Variants in SMARCC1 observed in about 807,000 individuals in gnomAD.
SMARCC1 encodes the protein SWI/SNF complex subunit SMARCC1.
A neutral mutation model predicts 147.4 loss-of-function variants in SMARCC1; 43 were observed. That is an observed-to-expected ratio of 0.29 (90% CI 0.23 to 0.38). The LOEUF (loss-of-function observed/expected upper bound fraction) is 0.38. SMARCC1 is among the 10% of genes least tolerant of loss of function. SMARCC1 has a pLI of 1.00. For synonymous variants in SMARCC1, 495 were observed against 484.4 expected, an observed-to-expected ratio of 1.02 and a Z score of -0.29; for missense variants, 1,119 against 1,381.1, an observed-to-expected ratio of 0.81 and a Z score of 3.01.
At chr3:47,597,873 G>A (rs148866878) in intron 26 of SMARCC1, among the ~76,000 whole-genome samples, 3 of 152,364 alleles carry the variant, frequency 2.0e-5, no homozygotes, top group African/African-American at 7.2e-5. Flanking sequence ...ACTGCTGGGA[G>A]TGTGAAGATG....
chr3:47,647,771 T>C (rs1444544447), intron 21 of SMARCC1, among the ~76,000 whole-genome samples: 1 of 152,212 alleles, frequency 6.6e-6, no homozygotes, highest in Non-Finnish European at 1.5e-5. Flanking sequence ...AAGCCAGCAA[T>C]ACACAGTCCA....
At chr3:47,658,758 C>G (rs1183791252) in intron 21 of SMARCC1, among the ~76,000 whole-genome samples, 2 of 152,176 alleles carry the variant, frequency 1.3e-5, no homozygotes, top group East Asian at 3.9e-4. Context: ...GAATAAATTC[C>G]TATAAGACAC....
At chr3:47,755,357 A>G (rs2034682938) in intron 2 of SMARCC1, among the ~76,000 whole-genome samples, 2 of 151,094 alleles carry the variant, frequency 1.3e-5, no homozygotes, top group Admixed American at 1.3e-4. Context: ...AAAATTAGAC[A>G]GGCACGGTGG....
In SMARCC1 at chr3:47,661,511, A is replaced by C. The variant is rs2033347284; in HGVS notation, c.2159-56T>G. 2.7e-6 allele frequency: 4 copies of C among 1,464,470 alleles called. No individual in the cohort carries two copies. The East Asian group carries it at 6.8e-5, about 25-fold the overall frequency. 90.7% of individuals were successfully genotyped at this position (1,464,470 alleles called of 1,614,324 possible). On this transcript the variant is annotated intron_variant, in intron 20 of 27. Coordinates refer to ENST00000254480, the MANE Select transcript of SMARCC1 (RefSeq NM_003074.4). The stretch of plus-strand genomic sequence containing the variant: ...CTAACTTTGCACAAAAATTTGCTTC[A>C]GTGTAAAACCACCACCAGGAAACCC...
intron 26 of SMARCC1, among the ~76,000 whole-genome samples, chr3:47,596,427 G>A (rs1052163562): frequency 6.6e-6 from 1 of 151,974 alleles, no homozygotes; most frequent in Non-Finnish European, 1.5e-5. Context: ...AATCAGCTGG[G>A]TGTGATGGTG....
At chr3:47,699,209 A>G (rs1253086419) in intron 11 of SMARCC1, among the ~76,000 whole-genome samples, 1 of 152,186 alleles carries the variant, frequency 6.6e-6, no homozygotes, top group Non-Finnish European at 1.5e-5. Context: ...AATCCAAGCA[A>G]CTGTGAATAG....
chr3:47,745,888 A>T lies in SMARCC1; in HGVS notation c.401+20T>A. ...TAAATAACTTAAGATCAAAACATGC[A>T]AACAAATACAAAAACTTACCATCCC... On this transcript the variant is annotated intron_variant, in intron 3 of 27. Transcript: ENST00000254480. 6.9e-7 allele frequency: 1 copy of T among 1,453,538 alleles called. No homozygotes were observed. The highest frequency in any genetic ancestry group is 9.3e-7 in the Non-Finnish European group (1 of 1,073,728). 90.0% of individuals were successfully genotyped at this position (1,453,538 alleles called of 1,614,324 possible).
intron 2 of SMARCC1, among the ~76,000 whole-genome samples, chr3:47,750,107 A>C (rs984899500): frequency 1.3e-5 from 2 of 150,888 alleles, no homozygotes; most frequent in African/African-American, 4.9e-5. Context: ...AAAATGCACG[A>C]GTCATTATAA....
chr3:47,749,523 C>T (rs1215468962), intron 2 of SMARCC1, among the ~76,000 whole-genome samples: 1 of 151,564 alleles, frequency 6.6e-6, no homozygotes, highest in Non-Finnish European at 1.5e-5. Flanking sequence ...AAAAATGAGC[C>T]GTGTATAGTG....
intron 21 of SMARCC1, among the ~76,000 whole-genome samples, chr3:47,650,619 T>G (rs1003150272): frequency 6.6e-6 from 1 of 151,868 alleles, no homozygotes; most frequent in African/African-American, 2.4e-5. Context: ...AGTTTGAGAC[T>G]AGTCTAAGCA....
chr3:47,765,807 A>T (rs1048415669), intron 2 of SMARCC1, among the ~76,000 whole-genome samples: 2 of 150,634 alleles, frequency 1.3e-5, no homozygotes, highest in Non-Finnish European at 2.9e-5. Flanking sequence ...ATCTTGGCTC[A>T]CTGCAACCTC....
chr3:47,767,879 T>C (rs1307813025), intron 2 of SMARCC1, among the ~76,000 whole-genome samples: 1 of 66,338 alleles, frequency 1.5e-5, no homozygotes, highest in African/African-American at 4.4e-5. Flanking sequence ...CAGTGAACTC[T>C]TTTTTTTTTT....
At chr3:47,769,449 G>A (rs1006351102) in intron 2 of SMARCC1, among the ~76,000 whole-genome samples, 4 of 151,608 alleles carry the variant, frequency 2.6e-5, no homozygotes, top group Admixed American at 1.3e-4. Flanking sequence ...GGATGGTCTC[G>A]ATCTCCTGAC....
chr3:47,689,265 T>A, intron 13 of SMARCC1, 122 bp downstream of exon 13: 2 of 725,508 alleles, frequency 2.8e-6, no homozygotes, highest in South Asian at 1.7e-5. Flanking sequence ...CAAAAAAAAA[T>A]TCAAAAACCA....
At chr3:47,777,627 G>A (rs2034991110) in intron 1 of SMARCC1, among the ~76,000 whole-genome samples, 1 of 151,534 alleles carries the variant, frequency 6.6e-6, no homozygotes. Context: ...TCCCAGGTTT[G>A]AGTGATTCTC....
intron 3 of SMARCC1, 87 bp downstream of exon 3, chr3:47,745,821 T>G (rs1576429054): frequency 1.3e-6 from 1 of 741,052 alleles, no homozygotes; most frequent in East Asian, 2.8e-5. Flanking sequence ...AATCATCATG[T>G]GCTTACAGGA....
At chr3:47,668,972 A>G (rs779067238) in intron 19 of SMARCC1, among the ~76,000 whole-genome samples, 3 of 152,218 alleles carry the variant, frequency 2.0e-5, no homozygotes, top group Non-Finnish European at 4.4e-5. Context: ...GAAAGAGACT[A>G]TATTTGATTA....
intron 18 of SMARCC1, among the ~76,000 whole-genome samples, chr3:47,673,177 A>G (rs2033523453): frequency 6.6e-6 from 1 of 152,004 alleles, no homozygotes; most frequent in Non-Finnish European, 1.5e-5. Flanking sequence ...GGAGCTCAGG[A>G]GTTCAAGACA....
intron 14 of SMARCC1, among the ~76,000 whole-genome samples, chr3:47,682,979 G>A (rs1415836043): frequency 1.3e-5 from 2 of 152,208 alleles, no homozygotes; most frequent in South Asian, 2.1e-4. Flanking sequence ...TCAAAGATAT[G>A]CACTTATTCT....
Sources: allele counts gnomAD v4.1 joint callset (sites outside exome capture counted in the v4.1 genomes callset), GRCh38; gene constraint gnomAD v4.1.1; transcripts MANE v1.5; gene names NCBI Gene and HGNC (gene_info 2026-07-23, HGNC 2026-07-21).